ANK2: variants seen among roughly 807,000 people sequenced by gnomAD.
ANK2 encodes the protein ankyrin 2, also known as ankyrin-2.
A neutral mutation model predicts 360.5 loss-of-function variants in ANK2; 83 were observed. The observed-to-expected ratio is 0.23, with a 90% confidence interval of 0.19 to 0.28. ANK2 has a LOEUF of 0.28. ANK2 is among the 10% of genes least tolerant of loss of function. ANK2 has a pLI of 1.00. For synonymous variants in ANK2, 1,740 were observed against 1,759.5 expected (o/e 0.99, Z 0.28); for missense variants, 4,201 against 4,795.7 (o/e 0.88, Z 3.66).
At chr4:112,904,472 A>G (rs1268283663) in exon 2 of ANK2, 20 of 1,496,422 alleles carry the variant, frequency 1.3e-5, no homozygotes, top group Non-Finnish European at 1.6e-5. Context: ...ATGAAAAGAG[A>G]CATGAAGAAT....
the ANK2 span, among the ~76,000 whole-genome samples, chr4:112,746,495 G>A: frequency 7.5e-6 from 1 of 132,620 alleles, no homozygotes; most frequent in South Asian, 2.5e-4. Flanking sequence ...GCAACCGAGT[G>A]AGATGCTGTC....
rs183574015 is a variant in ANK2, at chr4:113,304,510, T to C, written c.2548+1671T>C. 2.0e-4 allele frequency among the ~76,000 whole-genome samples: 30 copies of C among 152,340 alleles called. No individual in the cohort carries two copies. The East Asian group carries it at 5.6e-3, about 28-fold the overall frequency. ...ACTGTTAATGATTTTGCAACTATTA[T>C]TGAGAACTGCTAACATAATTATATA... is the stretch of plus-strand genomic sequence containing the variant. On this transcript the variant is annotated intron_variant, in intron 23 of 45. Coordinates refer to ENST00000357077, the MANE Select transcript of ANK2 (RefSeq NM_001148.6).
At chr4:112,802,126 G>C in the ANK2 span, among the ~76,000 whole-genome samples, 1 of 152,130 alleles carries the variant, frequency 6.6e-6, no homozygotes, top group Non-Finnish European at 1.5e-5. Context: ...GGAGTGGCAG[G>C]TTTCTTGAGG....
At chr4:113,040,474 A>G (rs114079888) in intron 2 of ANK2, among the ~76,000 whole-genome samples, 2,023 of 152,116 alleles carry the variant, frequency 0.013, 43 homozygotes, top group African/African-American at 0.046. Context: ...GCAGGTCCCT[A>G]AACAATTGCT....
At chr4:113,370,631 G>A (rs1367574444) in intron 43 of ANK2, among the ~76,000 whole-genome samples, 1 of 152,080 alleles carries the variant, frequency 6.6e-6, no homozygotes, top group Non-Finnish European at 1.5e-5. Context: ...ATGGTGGCGA[G>A]TGCCTGTAGT....
Position 113,277,917 on chromosome 4 carries a change from C to A in ANK2, c.1764C>A (p.Ala588=), listed in dbSNP as rs1019095466. 2 of 1,613,692 alleles carry A rather than the reference C, an allele frequency of 1.2e-6. No individual in the cohort carries two copies. The highest frequency in any genetic ancestry group is 1.7e-6 in the Non-Finnish European group (2 of 1,179,714). The part of the protein sequence containing the change: ...VAKLLLQRRA[A]ADSAGKNGLT... ...AACTTCTCTTGCAACGCCGTGCTGC[C>A]GCAGATTCTGCAGGGAAGGTAAAGA... The change falls in exon 16 of 46, where the codon GCC becomes GCA. Residue 588 remains alanine, a synonymous_variant. Coordinates refer to ENST00000357077, the MANE Select transcript of ANK2 (RefSeq NM_001148.6).
the ANK2 span, among the ~76,000 whole-genome samples, chr4:112,712,398 ATATATATATTTT>A: frequency 2.4e-5 from 1 of 42,260 alleles, no homozygotes; most frequent in African/African-American, 5.9e-5. Flanking sequence ...ATATATATAT[ATATATATATTTT>A]TTTTTTTTTT....
chr4:112,901,173 A>C (rs910790668), intron 1 of ANK2, among the ~76,000 whole-genome samples: 1 of 152,124 alleles, frequency 6.6e-6, no homozygotes, highest in African/African-American at 2.4e-5. Context: ...TTTTGTAGGG[A>C]GTCATTTTTT....
chr4:113,366,703 G>A (rs13124425), intron 41 of ANK2, among the ~76,000 whole-genome samples: 40,798 of 151,774 alleles, frequency 0.27, 8,068 homozygotes, highest in African/African-American at 0.56. Context: ...CTCAAATATC[G>A]CCTCCTAAGC....
At chr4:113,250,181 T>C (rs952859527) in intron 10 of ANK2, among the ~76,000 whole-genome samples, 1 of 152,250 alleles carries the variant, frequency 6.6e-6, no homozygotes, top group Non-Finnish European at 1.5e-5. Flanking sequence ...TAGATTTTTA[T>C]GATTCTCTCA....
At chr4:113,268,783 C>G (rs1194828668) in intron 14 of ANK2, among the ~76,000 whole-genome samples, 1 of 152,068 alleles carries the variant, frequency 6.6e-6, no homozygotes, top group Admixed American at 6.6e-5. Context: ...ATGGAGGAGT[C>G]TCTCTTTTTC....
intron 2 of ANK2, among the ~76,000 whole-genome samples, chr4:112,915,711 C>A (rs1279170476): frequency 6.6e-6 from 1 of 150,872 alleles, no homozygotes; most frequent in Non-Finnish European, 1.5e-5. Flanking sequence ...GTCGAGATTG[C>A]ACCACTGCAC....
intron 2 of ANK2, among the ~76,000 whole-genome samples, chr4:113,036,178 CT>C (rs1272655419): frequency 2.6e-5 from 4 of 151,548 alleles, no homozygotes; most frequent in Non-Finnish European, 5.9e-5. Context: ...ATTTAATCTG[CT>C]CCTTAAAACT....
At chr4:112,811,616 G>A in the ANK2 span, among the ~76,000 whole-genome samples, 1 of 152,132 alleles carries the variant, frequency 6.6e-6, no homozygotes, top group Non-Finnish European at 1.5e-5. Flanking sequence ...TTAGTATCCA[G>A]TGCCTTTATC....
intron 1 of ANK2, among the ~76,000 whole-genome samples, chr4:112,878,870 G>A (rs572460467): frequency 2.0e-5 from 3 of 152,130 alleles, no homozygotes; most frequent in African/African-American, 4.8e-5. Flanking sequence ...TGATCTGCCC[G>A]CCTCAGCCTC....
At chr4:113,196,819 C>T (rs1343276257) in intron 3 of ANK2, among the ~76,000 whole-genome samples, 4 of 152,196 alleles carry the variant, frequency 2.6e-5, no homozygotes, top group Non-Finnish European at 5.9e-5. Flanking sequence ...ACCTCACCCA[C>T]TTAAAGCTTC....
the ANK2 span, among the ~76,000 whole-genome samples, chr4:112,776,547 G>A: frequency 6.6e-6 from 1 of 152,052 alleles, no homozygotes; most frequent in East Asian, 1.9e-4. Context: ...CCTGTTTTTA[G>A]GAAGAAAAAG....
At chr4:113,236,590 A>G (rs2099386019) in intron 5 of ANK2, among the ~76,000 whole-genome samples, 1 of 152,216 alleles carries the variant, frequency 6.6e-6, no homozygotes, top group South Asian at 2.1e-4. Context: ...TCCCTGTCTC[A>G]GTCACCATAT....
chr4:112,772,039 C>T, the ANK2 span, among the ~76,000 whole-genome samples: 2 of 152,178 alleles, frequency 1.3e-5, no homozygotes, highest in South Asian at 4.1e-4. Context: ...GAAAATCCTT[C>T]TCGCATATGC....
Sources: allele counts gnomAD v4.1 joint callset (sites outside exome capture counted in the v4.1 genomes callset), GRCh38; gene constraint gnomAD v4.1.1; transcripts MANE v1.5; gene names NCBI Gene and HGNC (gene_info 2026-07-23, HGNC 2026-07-21).